The following DMD variants were observed in gnomAD, a reference collection of about 807,000 sequenced individuals.
DMD encodes the protein mutant dystrophin.
DMD carries 63 observed loss-of-function variants against 330.1 expected under a neutral mutation model. The observed-to-expected ratio is 0.19, with a 90% CI of 0.16 to 0.24. The LOEUF (loss-of-function observed/expected upper bound fraction) is 0.24, where lower values mean the gene tolerates loss of function less well. Ranked by LOEUF, DMD falls within the 10% of genes least tolerant of loss-of-function variation. DMD has a pLI of 1.00. For missense variants in DMD, 3,344 were observed against 2,684.1 expected (o/e 1.25, Z -5.43); for synonymous variants, 1,223 against 959.8 (o/e 1.27, Z -5.07).
chrX:31,225,463 ATTGAGT>A (rs1462343687), intron 63 of DMD, among the ~76,000 whole-genome samples: 1 of 112,385 alleles, frequency 8.9e-6, no homozygotes, highest in African/African-American at 3.2e-5. Flanking sequence ...CTGCCTTTAA[ATTGAGT>A]TTAAGAAGAA....
chrX:31,219,833 T>TACACAC (rs58717973), intron 64 of DMD, among the ~76,000 whole-genome samples: 14,358 of 100,165 alleles, frequency 0.14, 974 homozygotes, highest in African/African-American at 0.24. Context: ...GATCAATGTA[T>TACACAC]ACACACACAC....
At chrX:32,254,333 C>T (rs2097290024) in intron 43 of DMD, among the ~76,000 whole-genome samples, 2 of 112,424 alleles carry the variant, frequency 1.8e-5, no homozygotes, top group African/African-American at 3.2e-5. Context: ...AGAGCCACCA[C>T]ACCTGGCCTA....
intron 2 of DMD, among the ~76,000 whole-genome samples, chrX:32,897,532 T>G (rs1013265353): frequency 1.8e-5 from 2 of 112,040 alleles, no homozygotes; most frequent in African/African-American, 3.2e-5. Context: ...ATCCATTAAT[T>G]GTTCTGTCTG....
Position 32,869,133 on chromosome X carries a change from C to T in DMD, c.94-19313G>A, listed in dbSNP as rs768529280. Among the ~76,000 whole-genome samples the T allele has an allele frequency of 1.6e-4, 18 of 110,826 alleles. No homozygotes were observed. The South Asian group carries it at 5.8e-3, about 36-fold the overall frequency. Reference sequence around the variant, plus strand: ...GGACCCAGGTGAATGGGGTCTGGAGCGAACCCCCAACAAACTGCAGCAGCC... The same window carrying T: ...GGACCCAGGTGAATGGGGTCTGGAGTGAACCCCCAACAAACTGCAGCAGCC... On this transcript the variant is annotated intron_variant, in intron 2 of 78. Coordinates refer to ENST00000357033, the MANE Select transcript of DMD (RefSeq NM_004006.3).
intron 2 of DMD, among the ~76,000 whole-genome samples, chrX:32,936,456 C>T (rs2090029665): frequency 8.9e-6 from 1 of 111,745 alleles, no homozygotes; most frequent in Non-Finnish European, 1.9e-5. Context: ...TATCCTATTA[C>T]TTTAAAAGCC....
At chrX:31,506,961 T>C (rs2071012180) in intron 56 of DMD, among the ~76,000 whole-genome samples, 1 of 112,076 alleles carries the variant, frequency 8.9e-6, no homozygotes, top group Admixed American at 9.5e-5. Flanking sequence ...TTATCACTTT[T>C]TGTATAACCC....
rs2092553656 is a variant in DMD, at chrX:32,976,397, G to A, written c.93+43742C>T. ...GGAAAGTCCAGGAAAATGAGTAATT[G>A]TTTCATGTCCTATTCAGCTTTTGAA... On this transcript the variant is annotated intron_variant, in intron 2 of 78. Transcript: ENST00000357033. Among the ~76,000 whole-genome samples the A allele has an allele frequency of 2.7e-5, 3 of 111,131 alleles. No homozygotes were observed. The South Asian group carries it at 1.1e-3, about 42-fold the overall frequency.
At chrX:32,186,535 A>G (rs1248230975) in intron 44 of DMD, among the ~76,000 whole-genome samples, 2 of 111,783 alleles carry the variant, frequency 1.8e-5, no homozygotes, top group Non-Finnish European at 3.8e-5. Context: ...TTTTTCTTAA[A>G]TATAATAAAA....
chrX:32,129,483 C>G (rs1052315683), intron 44 of DMD, among the ~76,000 whole-genome samples: 1 of 110,604 alleles, frequency 9.0e-6, no homozygotes, highest in Admixed American at 9.7e-5. Context: ...AATGTAATAC[C>G]AGCTTCTCTT....
chrX:32,893,875 A>G (rs2085451575), intron 2 of DMD, among the ~76,000 whole-genome samples: 1 of 111,281 alleles, frequency 9.0e-6, no homozygotes, highest in African/African-American at 3.3e-5. Context: ...TGTTAAGAAA[A>G]CATGACAGGA....
chrX:33,231,527 C>T (rs754386137), intron 1 of DMD, among the ~76,000 whole-genome samples: 2 of 111,927 alleles, frequency 1.8e-5, no homozygotes, highest in South Asian at 7.4e-4. Context: ...CTCCCTTTAT[C>T]AGCCATGTCC....
intron 9 of DMD, among the ~76,000 whole-genome samples, chrX:32,677,428 G>C (rs956500129): frequency 9.0e-6 from 1 of 111,006 alleles, no homozygotes; most frequent in Non-Finnish European, 1.9e-5. Context: ...AGAAATACAA[G>C]ACCAAAGAAG....
chrX:33,098,027 G>A (rs1379530690), intron 1 of DMD, among the ~76,000 whole-genome samples: 1 of 111,430 alleles, frequency 9.0e-6, no homozygotes, highest in Non-Finnish European at 1.9e-5. Flanking sequence ...CACTATCTGA[G>A]CAATATAACT....
intron 7 of DMD, among the ~76,000 whole-genome samples, chrX:32,747,020 C>G (rs143536414): frequency 8.9e-6 from 1 of 111,969 alleles, no homozygotes; most frequent in African/African-American, 3.3e-5. Context: ...ATGTTACCAC[C>G]AATTACAGGA....
chrX:33,238,464 G>A (rs2052525377), intron 1 of DMD, among the ~76,000 whole-genome samples: 1 of 111,138 alleles, frequency 9.0e-6, no homozygotes, highest in African/African-American at 3.3e-5. Flanking sequence ...CATATCTTGT[G>A]GATTCCTTAT....
intron 44 of DMD, among the ~76,000 whole-genome samples, chrX:32,097,024 G>A (rs2405543): frequency 0.057 from 6,347 of 111,433 alleles, 238 homozygotes; most frequent in East Asian, 0.19. Flanking sequence ...AGTCTACTTA[G>A]AAATAATCAT....
At chrX:32,509,342 G>A (rs773421583) in intron 18 of DMD, among the ~76,000 whole-genome samples, 4 of 110,433 alleles carry the variant, frequency 3.6e-5, no homozygotes, top group Non-Finnish European at 7.6e-5. Context: ...AATTTCTACC[G>A]TCTCCCATTA....
chrX:31,719,786 C>T (rs778813532), intron 52 of DMD, among the ~76,000 whole-genome samples: 2 of 111,331 alleles, frequency 1.8e-5, no homozygotes, highest in East Asian at 5.7e-4. Context: ...ATCATAAGAA[C>T]ACTCAAGTAG....
At chrX:33,025,854 C>T (rs1050956647) in intron 1 of DMD, among the ~76,000 whole-genome samples, 6 of 111,854 alleles carry the variant, frequency 5.4e-5, no homozygotes, top group Non-Finnish European at 1.1e-4. Context: ...CCACCACATT[C>T]GGCCTAGAAA....
Sources: allele counts gnomAD v4.1 joint callset (sites outside exome capture counted in the v4.1 genomes callset), GRCh38; gene constraint gnomAD v4.1.1; transcripts MANE v1.5; gene names NCBI Gene and HGNC (gene_info 2026-07-23, HGNC 2026-07-21).